The following SEMA3C variants were observed in gnomAD, a reference collection of about 807,000 sequenced individuals.
SEMA3C encodes semaphorin 3C.
A neutral mutation model predicts 89.4 loss-of-function variants in SEMA3C; 47 were observed. The observed-to-expected ratio is 0.53, with a 90% CI of 0.42 to 0.67. SEMA3C has a LOEUF of 0.67. SEMA3C is among the 30% of genes least tolerant of loss of function. The probability of loss-of-function intolerance (pLI) is 0.00; values close to 1 mark genes in which losing one functional copy is unlikely to be tolerated. For missense variants in SEMA3C, 839 were observed against 929.1 expected (o/e 0.90, Z 1.26); for synonymous variants, 310 against 320.2 (o/e 0.97, Z 0.34).
At chr7:80,891,605 C>T (rs967377346) in intron 2 of SEMA3C, among the ~76,000 whole-genome samples, 3 of 151,424 alleles carry the variant, frequency 2.0e-5, no homozygotes, top group Admixed American at 1.3e-4. Context: ...TGATTAAAAA[C>T]ATGGGAAATA....
chr7:80,905,874 T>C (rs1219700904), intron 2 of SEMA3C: 3 of 1,289,666 alleles, frequency 2.3e-6, no homozygotes, highest in East Asian at 1.1e-4. Flanking sequence ...ACACTTCTTT[T>C]TGTACCCACA....
At chr7:80,783,511 T>G in intron 12 of SEMA3C, among the ~76,000 whole-genome samples, 1 of 152,196 alleles carries the variant, frequency 6.6e-6, no homozygotes, top group East Asian at 1.9e-4. Context: ...GTTTTTTCCT[T>G]ACGCCAAAGC....
At chr7:80,828,377 T>C (rs528598803) in intron 3 of SEMA3C, among the ~76,000 whole-genome samples, 41 of 152,256 alleles carry the variant, frequency 2.7e-4, no homozygotes, top group African/African-American at 9.4e-4. Flanking sequence ...CTCCAGGTTT[T>C]GAATTGTTAA....
At chr7:80,918,672 G>C (rs567139920) in intron 1 of SEMA3C, among the ~76,000 whole-genome samples, 156 bp downstream of exon 1, 1 of 152,088 alleles carries the variant, frequency 6.6e-6, no homozygotes, top group Non-Finnish European at 1.5e-5. Context: ...ACTCGAGCAG[G>C]GCTCTCAGCA....
Position 80,808,962 on chromosome 7 carries a change from A to G in SEMA3C, c.538+1649T>C, listed in dbSNP as rs146422330. Among the ~76,000 whole-genome samples, 321 of 152,206 alleles carry G rather than the reference A, an allele frequency of 2.1e-3. 2 individuals are homozygous for G. The highest frequency in any genetic ancestry group is 7.5e-3 in the African/African-American group (312 of 41,520). The stretch of plus-strand genomic sequence containing the variant: ...GCTCATTTTTTTGTATTTTTAGTAG[A>G]GACAGAATTTCTCCATGTTGGTCAG... On this transcript the variant is annotated intron_variant, in intron 6 of 17. Coordinates refer to ENST00000265361, the MANE Select transcript of SEMA3C (RefSeq NM_006379.5).
chr7:80,766,846 A>C (rs1788316004), intron 12 of SEMA3C, among the ~76,000 whole-genome samples: 1 of 152,162 alleles, frequency 6.6e-6, no homozygotes, highest in South Asian at 2.1e-4. Flanking sequence ...ACCTTCCTTT[A>C]GGAATGCTAG....
chr7:80,913,869 T>C (rs1029771260), intron 2 of SEMA3C, among the ~76,000 whole-genome samples: 26 of 152,286 alleles, frequency 1.7e-4, no homozygotes, highest in Non-Finnish European at 2.2e-4. Flanking sequence ...GGATGGAACA[T>C]GAATGGGAGA....
At chr7:80,802,332 T>C (rs1789228319) in intron 9 of SEMA3C, among the ~76,000 whole-genome samples, 1 of 152,094 alleles carries the variant, frequency 6.6e-6, no homozygotes, top group African/African-American at 2.4e-5. Flanking sequence ...ATATTAGATA[T>C]TCTAATATAC....
chr7:80,819,308 T>C (rs959321059), intron 4 of SEMA3C, among the ~76,000 whole-genome samples: 1 of 152,132 alleles, frequency 6.6e-6, no homozygotes, highest in African/African-American at 2.4e-5. Flanking sequence ...CTATATTTCA[T>C]TATTCTTGTA....
intron 2 of SEMA3C, among the ~76,000 whole-genome samples, chr7:80,860,731 A>G (rs2115986644): frequency 6.6e-6 from 1 of 152,278 alleles, no homozygotes; most frequent in Admixed American, 6.5e-5. Flanking sequence ...AAGTGCATTC[A>G]ATCAAAAGGC....
At chr7:80,842,551 A>T (rs1359564438) in intron 2 of SEMA3C, among the ~76,000 whole-genome samples, 1 of 152,160 alleles carries the variant, frequency 6.6e-6, no homozygotes. Flanking sequence ...AGGCGCACTT[A>T]AAAGAGGAAA....
chr7:80,799,154 T>G (rs1789137661), intron 10 of SEMA3C, among the ~76,000 whole-genome samples: 1 of 152,230 alleles, frequency 6.6e-6, no homozygotes, highest in African/African-American at 2.4e-5. Flanking sequence ...GAACAGGAGT[T>G]AAACTCATCC....
At chr7:80,802,809 T>C (rs1789241155) in intron 8 of SEMA3C, 30 bp from the exon 9 acceptor site, 3 of 1,521,512 alleles carry the variant, frequency 2.0e-6, no homozygotes, top group Non-Finnish European at 1.8e-6. Context: ...ATAATTCAGA[T>C]TGCTTAAGTA....
intron 2 of SEMA3C, among the ~76,000 whole-genome samples, chr7:80,897,630 GA>G (rs1791771314): frequency 6.6e-6 from 1 of 152,252 alleles, no homozygotes; most frequent in East Asian, 1.9e-4. Flanking sequence ...AGAGAAGAAA[GA>G]TAACCTAGAT....
In SEMA3C at chr7:80,826,557, C is replaced by G. The variant is rs369715229; in HGVS notation, c.327+868G>C. Among the ~76,000 whole-genome samples the G allele has an allele frequency of 2.2e-4, 34 of 152,210 alleles. No homozygotes were observed. In the East Asian group the frequency reaches 6.2e-3, roughly 28 times the overall value. On this transcript the variant is annotated intron_variant, in intron 4 of 17. Transcript: ENST00000265361. ...CACCAATTATGTCTTTGGCAACCAG[C>G]TCCATGCTAGATATATAACAGGTGC...
chr7:80,796,892 G>T (rs1163014389), intron 11 of SEMA3C, among the ~76,000 whole-genome samples: 1 of 151,854 alleles, frequency 6.6e-6, no homozygotes, highest in Non-Finnish European at 1.5e-5. Flanking sequence ...TTAGCAAACT[G>T]TATCTTCAAT....
At chr7:80,790,861 C>T (rs148456502) in intron 11 of SEMA3C, among the ~76,000 whole-genome samples, 2 of 152,234 alleles carry the variant, frequency 1.3e-5, no homozygotes, top group African/African-American at 4.8e-5. Context: ...CTTGTGCTGA[C>T]TGTAACTGGG....
At chr7:80,822,314 G>A (rs573461853) in intron 4 of SEMA3C, among the ~76,000 whole-genome samples, 1 of 151,756 alleles carries the variant, frequency 6.6e-6, no homozygotes, top group East Asian at 1.9e-4. Context: ...TGACATTTGA[G>A]CTGAGTCTTG....
intron 12 of SEMA3C, among the ~76,000 whole-genome samples, chr7:80,776,671 A>G (rs551874209): frequency 7.2e-5 from 11 of 152,356 alleles, no homozygotes; most frequent in Admixed American, 2.6e-4. Flanking sequence ...TGCCACCAAC[A>G]TATTACCAAC....
Sources: gnomAD v4.1 joint callset for allele counts (sites outside exome capture counted in the v4.1 genomes callset) on GRCh38, gnomAD v4.1.1 for gene constraint, MANE v1.5 for transcripts, NCBI Gene and HGNC (gene_info 2026-07-23, HGNC 2026-07-21) for gene names.